DPP10: variants seen among roughly 807,000 people sequenced by gnomAD.
DPP10 encodes the protein dipeptidyl peptidase like 10, also known as inactive dipeptidyl peptidase 10.
Under a neutral mutation model 120.9 loss-of-function variants are expected in DPP10, and 33 were observed. That is an observed-to-expected ratio of 0.27 (90% CI 0.21 to 0.37). The LOEUF is 0.37. Among genes scored for constraint, DPP10 ranks in the 10% least tolerant of loss-of-function variants. The pLI, the probability that DPP10 is intolerant of heterozygous loss-of-function variation, is 1.00. For missense variants in DPP10, 816 were observed against 942.8 expected (o/e 0.87, Z 1.76); for synonymous variants, 337 against 326.1 (o/e 1.03, Z -0.36).
At chr2:115,717,039 C>CGTCAGAG (rs2092518441) in intron 7 of DPP10, among the ~76,000 whole-genome samples, 1 of 152,166 alleles carries the variant, frequency 6.6e-6, no homozygotes, top group Non-Finnish European at 1.5e-5. Flanking sequence ...ATTATTGTAA[C>CGTCAGAG]GTCAGAGGCT....
chr2:114,835,094 T>C (rs1281409699), intron 1 of DPP10: 16 of 150,474 alleles, frequency 1.1e-4, no homozygotes, highest in African/African-American at 2.5e-5. Context: ...CACCTATGTA[T>C]ATATAAGCCA....
intron 1 of DPP10, among the ~76,000 whole-genome samples, chr2:114,691,901 C>G (rs1352045172): frequency 6.6e-6 from 1 of 151,768 alleles, no homozygotes; most frequent in East Asian, 1.9e-4. Context: ...TGATGGTTGT[C>G]TGTATTTCTG....
chr2:115,106,192 A>G (rs2048937140), intron 1 of DPP10, among the ~76,000 whole-genome samples: 1 of 152,186 alleles, frequency 6.6e-6, no homozygotes, highest in East Asian at 1.9e-4. Flanking sequence ...TGATAATGTC[A>G]CTTTGAACAG....
At chr2:115,010,657 T>A (rs1213981766) in intron 1 of DPP10, among the ~76,000 whole-genome samples, 1 of 152,210 alleles carries the variant, frequency 6.6e-6, no homozygotes, top group Non-Finnish European at 1.5e-5. Flanking sequence ...ATGAGCCACA[T>A]ATCATATCTG....
chr2:114,950,731 A>G (rs534142755), intron 1 of DPP10, among the ~76,000 whole-genome samples: 6 of 152,288 alleles, frequency 3.9e-5, no homozygotes, highest in Middle Eastern at 3.4e-3. Context: ...GTGTCTCCAG[A>G]GCATGAATGA....
intron 10 of DPP10, among the ~76,000 whole-genome samples, chr2:115,751,324 G>A (rs1452557291): frequency 6.6e-6 from 1 of 152,060 alleles, no homozygotes; most frequent in Non-Finnish European, 1.5e-5. Flanking sequence ...CGGCTTAAAC[G>A]AAACACAGTG....
At chr2:115,003,191 A>AC (rs1701566352) in intron 1 of DPP10, among the ~76,000 whole-genome samples, 1 of 151,412 alleles carries the variant, frequency 6.6e-6, no homozygotes, top group African/African-American at 2.4e-5. Context: ...AAAAAAAAAA[A>AC]ACAATGAAAT....
intron 1 of DPP10, among the ~76,000 whole-genome samples, chr2:114,863,372 G>C (rs1689975573): frequency 6.6e-6 from 1 of 152,192 alleles, no homozygotes; most frequent in Non-Finnish European, 1.5e-5. Context: ...TCTAGGGTTA[G>C]AGTCGATCAA....
At chr2:115,732,867 C>A (rs954751756) in intron 8 of DPP10, among the ~76,000 whole-genome samples, 2 of 152,124 alleles carry the variant, frequency 1.3e-5, no homozygotes, top group African/African-American at 4.8e-5. Context: ...CAGGCATTAT[C>A]TAAGAGCAAT....
At chr2:115,467,513 G>T (rs1294118767) in intron 3 of DPP10, among the ~76,000 whole-genome samples, 3 of 151,050 alleles carry the variant, frequency 2.0e-5, no homozygotes, top group African/African-American at 4.9e-5. Flanking sequence ...GGAGGCAGAG[G>T]TTGCAGTGAG....
chr2:115,456,601 C>A (rs708661), intron 3 of DPP10, among the ~76,000 whole-genome samples: 125,915 of 152,072 alleles, frequency 0.83, 55,163 homozygotes, highest in Non-Finnish European at 0.97. Context: ...AAAATCTGGC[C>A]CATATACACC....
intron 1 of DPP10, among the ~76,000 whole-genome samples, chr2:115,051,918 A>G (rs1452524489): frequency 6.6e-6 from 1 of 152,250 alleles, no homozygotes; most frequent in Non-Finnish European, 1.5e-5. Context: ...ATATCAGAAC[A>G]TCATGTTATA....
rs1687027086 is a variant in DPP10, at chr2:114,830,728, G to A, written c.60+387890G>A. Among the ~76,000 whole-genome samples the A allele has an allele frequency of 2.0e-5, 3 of 152,046 alleles. No homozygotes were observed. The South Asian group carries it at 6.2e-4, about 31-fold the overall frequency. ...TTTCTATATATCTGCCATATGTATA[G>A]AAAAGTTTATACATAGTTTCTTTAT... is the stretch of plus-strand genomic sequence containing the variant. On this transcript the variant is annotated intron_variant, in intron 1 of 25. Coordinates refer to ENST00000410059, the MANE Select transcript of DPP10 (RefSeq NM_020868.6).
chr2:114,942,350 C>CAT (rs61357971), intron 1 of DPP10, among the ~76,000 whole-genome samples: 1,776 of 113,258 alleles, frequency 0.016, 63 homozygotes, highest in African/African-American at 0.059. Context: ...CGTATATATA[C>CAT]ATATATATAT....
At chr2:115,589,444 G>A (rs575055863) in intron 5 of DPP10, among the ~76,000 whole-genome samples, 2 of 152,290 alleles carry the variant, frequency 1.3e-5, no homozygotes, top group African/African-American at 2.4e-5. Context: ...TGGAGGGAAA[G>A]AACCTGAGAT....
intron 1 of DPP10, among the ~76,000 whole-genome samples, chr2:114,917,749 G>A (rs1383670918): frequency 2.6e-5 from 4 of 152,056 alleles, no homozygotes; most frequent in African/African-American, 9.7e-5. Flanking sequence ...TAACTGGCTA[G>A]CCACATGCAG....
chr2:115,614,529 A>G (rs1041213750), intron 5 of DPP10, among the ~76,000 whole-genome samples: 18 of 152,046 alleles, frequency 1.2e-4, no homozygotes, highest in African/African-American at 4.1e-4. Flanking sequence ...GGGTTCAAGC[A>G]ACTCTCCTGC....
intron 1 of DPP10, among the ~76,000 whole-genome samples, chr2:115,152,586 T>C (rs757114089): frequency 6.6e-6 from 1 of 152,228 alleles, no homozygotes; most frequent in Non-Finnish European, 1.5e-5. Flanking sequence ...CTTGTTTTCA[T>C]AGATTTCTTA....
intron 3 of DPP10, among the ~76,000 whole-genome samples, chr2:115,347,971 G>T (rs1384205160): frequency 6.6e-6 from 1 of 152,072 alleles, no homozygotes; most frequent in Admixed American, 6.6e-5. Flanking sequence ...ATAGTAAAAT[G>T]ATTTGGGAGT....
Sources: allele counts gnomAD v4.1 joint callset (sites outside exome capture counted in the v4.1 genomes callset), GRCh38; gene constraint gnomAD v4.1.1; transcripts MANE v1.5; gene names NCBI Gene and HGNC (gene_info 2026-07-23, HGNC 2026-07-21).